LRP1B: variants seen among roughly 807,000 people sequenced by gnomAD.
LRP1B encodes the protein low-density lipoprotein receptor-related protein 1B.
A neutral mutation model predicts 556.6 loss-of-function variants in LRP1B; 217 were observed. That is an observed-to-expected ratio of 0.39 (90% CI 0.35 to 0.44). The LOEUF (loss-of-function observed/expected upper bound fraction) is 0.44, where lower values mean the gene tolerates loss of function less well. Ranked by LOEUF, LRP1B falls within the 20% of genes least tolerant of loss-of-function variation. The probability of loss-of-function intolerance (pLI) is 1.00; values close to 1 mark genes in which losing one functional copy is unlikely to be tolerated. For synonymous variants in LRP1B, 2,047 were observed against 1,865.8 expected, an observed-to-expected ratio of 1.10 and a Z score of -2.50; for missense variants, 5,053 against 5,620.8, an observed-to-expected ratio of 0.90 and a Z score of 3.23.
intron 3 of LRP1B, among the ~76,000 whole-genome samples, chr2:141,292,480 A>G (rs182433358): frequency 1.3e-5 from 2 of 152,160 alleles, no homozygotes; most frequent in Non-Finnish European, 2.9e-5. Flanking sequence ...ACCAAATCTA[A>G]AAAACAGAAT....
At chr2:140,703,788 A>G (rs916071191) in intron 37 of LRP1B, among the ~76,000 whole-genome samples, 33 of 152,074 alleles carry the variant, frequency 2.2e-4, no homozygotes, top group African/African-American at 6.8e-4. Flanking sequence ...CTGTTCCTGC[A>G]TCAATTCATT....
intron 42 of LRP1B, among the ~76,000 whole-genome samples, chr2:140,601,196 T>C (rs1682657702): frequency 6.6e-6 from 1 of 151,994 alleles, no homozygotes; most frequent in Non-Finnish European, 1.5e-5. Context: ...CAGCATGGTA[T>C]TGTCTCTAGT....
At chr2:140,677,640 A>G (rs543222982) in intron 41 of LRP1B, among the ~76,000 whole-genome samples, 3 of 152,282 alleles carry the variant, frequency 2.0e-5, no homozygotes, top group Non-Finnish European at 2.9e-5. Context: ...TGGGAGGCCA[A>G]TGTGGGTGGA....
chr2:141,092,188 G>C (rs1372139230), intron 7 of LRP1B, among the ~76,000 whole-genome samples: 1 of 152,182 alleles, frequency 6.6e-6, no homozygotes, highest in Admixed American at 6.5e-5. Flanking sequence ...GTTGACAATA[G>C]TAAGTGCTGA....
At chr2:141,784,658 G>T (rs1047944428) in intron 2 of LRP1B, among the ~76,000 whole-genome samples, 3 of 151,850 alleles carry the variant, frequency 2.0e-5, no homozygotes, top group African/African-American at 7.2e-5. Context: ...ATCCCTGATT[G>T]TTCAATTTGT....
chr2:141,579,855 ACACCCGGC>A (rs1423616088), intron 2 of LRP1B, among the ~76,000 whole-genome samples: 1 of 149,580 alleles, frequency 6.7e-6, no homozygotes, highest in Non-Finnish European at 1.5e-5. Context: ...ACCCACCACC[ACACCCGGC>A]TAACTTTTTT....
intron 23 of LRP1B, among the ~76,000 whole-genome samples, chr2:140,890,104 A>G (rs1693754315): frequency 4.5e-5 from 2 of 44,800 alleles, no homozygotes; most frequent in East Asian, 1.6e-3. Flanking sequence ...TATTAGTTAA[A>G]AAAAAAAAAC....
rs1246469593 is a variant in LRP1B at position 141,813,319 on chromosome 2, G to A, written c.83-2918C>T. 6.6e-5 allele frequency among the ~76,000 whole-genome samples: 10 copies of A among 152,124 alleles called. No individual in the cohort carries two copies. The East Asian group carries it at 1.4e-3, about 21-fold the overall frequency. On this transcript the variant is annotated intron_variant, in intron 1 of 90. Transcript: ENST00000389484. ...ACAGAGATGGGGACTGACGGTTAGA[G>A]TATGGAGGCAGGTACATTTTAAATA...
intron 35 of LRP1B, among the ~76,000 whole-genome samples, chr2:140,744,650 A>G (rs1478756646): frequency 1.3e-5 from 2 of 152,132 alleles, no homozygotes; most frequent in Non-Finnish European, 2.9e-5. Context: ...TTATTCAAGT[A>G]TTTGCTACAA....
At chr2:141,330,604 C>A (rs1687602479) in intron 3 of LRP1B, among the ~76,000 whole-genome samples, 1 of 152,244 alleles carries the variant, frequency 6.6e-6, no homozygotes, top group South Asian at 2.1e-4. Flanking sequence ...AGTCTCCACT[C>A]AACTTGTTTG....
chr2:141,690,396 A>AATAAATAAATAAATATAT (rs5834858), intron 2 of LRP1B, among the ~76,000 whole-genome samples: 58 of 26,810 alleles, frequency 2.2e-3, no homozygotes, highest in Middle Eastern at 0.02. Flanking sequence ...TACATCTATA[A>AATAAATAAATAAATATAT]ATATATATAT....
chr2:141,504,606 A>G (rs1683853599), intron 2 of LRP1B, among the ~76,000 whole-genome samples: 1 of 152,220 alleles, frequency 6.6e-6, no homozygotes, highest in African/African-American at 2.4e-5. Context: ...GATGGAAGAT[A>G]GCAAGAAATC....
At chr2:140,424,102 T>A (rs1196784654) in intron 66 of LRP1B, among the ~76,000 whole-genome samples, 2 of 152,152 alleles carry the variant, frequency 1.3e-5, no homozygotes, top group African/African-American at 4.8e-5. Flanking sequence ...ATATTCATTG[T>A]GGAATTATTT....
chr2:140,994,527 T>C (rs1697186976), intron 15 of LRP1B, among the ~76,000 whole-genome samples: 1 of 151,770 alleles, frequency 6.6e-6, no homozygotes, highest in Non-Finnish European at 1.5e-5. Flanking sequence ...GATGAATAAG[T>C]CTACAAATCC....
At chr2:141,971,378 A>G (rs1202934342) in intron 1 of LRP1B, among the ~76,000 whole-genome samples, 1 of 151,522 alleles carries the variant, frequency 6.6e-6, no homozygotes, top group East Asian at 1.9e-4. Context: ...AAAAGACATC[A>G]TATCCTAAGG....
chr2:141,800,931 T>C (rs1236809231), intron 2 of LRP1B, among the ~76,000 whole-genome samples: 1 of 152,194 alleles, frequency 6.6e-6, no homozygotes, highest in Non-Finnish European at 1.5e-5. Context: ...GAAATGTAGT[T>C]CAATGACAAA....
At chr2:140,996,676 T>C (rs1345633748) in intron 15 of LRP1B, among the ~76,000 whole-genome samples, 1 of 151,986 alleles carries the variant, frequency 6.6e-6, no homozygotes, top group Non-Finnish European at 1.5e-5. Context: ...GCTGTATAAA[T>C]CCTTCAGGAA....
chr2:141,058,768 G>T lies in LRP1B; in HGVS notation c.1408+115C>A, dbSNP rs545936778. 27 of 728,170 alleles carry T rather than the reference G, an allele frequency of 3.7e-5. No individual in the cohort carries two copies. The East Asian group carries it at 8.6e-4, about 23-fold the overall frequency. 45.1% of individuals were successfully genotyped at this position (728,170 alleles called of 1,614,324 possible). A position where few individuals can be genotyped will look rare whatever the true frequency, so the allele number is the denominator to read the frequency against. ...TTAACAAGCAGACATGCCTACTTTT[G>T]CTGTCAAAGCAGAGAATTTATGACT... On this transcript the variant is annotated intron_variant, in intron 9 of 90. Transcript: ENST00000389484.
chr2:140,972,335 A>C (rs1261425956), intron 18 of LRP1B, among the ~76,000 whole-genome samples: 2 of 152,186 alleles, frequency 1.3e-5, no homozygotes, highest in Non-Finnish European at 1.5e-5. Context: ...AAGCACGAAA[A>C]AGAGCTTCTC....
Sources: gnomAD v4.1 joint callset for allele counts (sites outside exome capture counted in the v4.1 genomes callset) on GRCh38, gnomAD v4.1.1 for gene constraint, MANE v1.5 for transcripts, NCBI Gene and HGNC (gene_info 2026-07-23, HGNC 2026-07-21) for gene names.